ATE1: variants seen among roughly 807,000 people sequenced by gnomAD.
The protein encoded by ATE1 is arginyl-tRNA--protein transferase 1.
ATE1 carries 36 observed loss-of-function variants against 70.5 expected under a neutral mutation model. The observed-to-expected ratio is 0.51, with a 90% CI of 0.39 to 0.67. The LOEUF is 0.67. Among genes scored for constraint, ATE1 ranks in the 30% least tolerant of loss-of-function variants. The pLI is 0.00. For missense variants in ATE1, 593 were observed against 629.5 expected (o/e 0.94, Z 0.62); for synonymous variants, 232 against 219.3 (o/e 1.06, Z -0.51).
At chr10:121,789,153 G>A (rs148000182) in intron 11 of ATE1, among the ~76,000 whole-genome samples, 1 of 152,152 alleles carries the variant, frequency 6.6e-6, no homozygotes, top group Non-Finnish European at 1.5e-5. Flanking sequence ...CCTCATTACA[G>A]CTAGTAGGTC....
intron 11 of ATE1, among the ~76,000 whole-genome samples, chr10:121,777,097 T>C (rs927731586): frequency 2.6e-5 from 4 of 152,254 alleles, no homozygotes; most frequent in South Asian, 4.1e-4. Flanking sequence ...TCTTAACTTA[T>C]GTAGTCTGAA....
At chr10:121,838,994 C>A (rs1948530478) in intron 9 of ATE1, among the ~76,000 whole-genome samples, 1 of 152,042 alleles carries the variant, frequency 6.6e-6, no homozygotes, top group Non-Finnish European at 1.5e-5. Context: ...AAATCAATAA[C>A]AGAATTAGCA....
intron 11 of ATE1, among the ~76,000 whole-genome samples, chr10:121,777,719 T>A (rs996809631): frequency 4.6e-5 from 7 of 152,234 alleles, no homozygotes; most frequent in Admixed American, 4.6e-4. Flanking sequence ...TAATCTGTGA[T>A]TCCACAGGAA....
chr10:121,778,484 T>C (rs768047502), intron 11 of ATE1, among the ~76,000 whole-genome samples: 2 of 150,576 alleles, frequency 1.3e-5, no homozygotes, highest in Admixed American at 6.6e-5. Flanking sequence ...ATTTGGTAAA[T>C]GAAAAGGATC....
At chr10:121,770,883 G>C (rs1016676024) in intron 11 of ATE1, among the ~76,000 whole-genome samples, 1 of 151,962 alleles carries the variant, frequency 6.6e-6, no homozygotes, top group East Asian at 1.9e-4. Flanking sequence ...CTTAAAGCAA[G>C]AACAGCACTT....
chr10:121,926,941 T>C (rs1041531830), intron 1 of ATE1: 95 of 985,324 alleles, frequency 9.6e-5, no homozygotes, highest in Non-Finnish European at 1.1e-4. Flanking sequence ...TAAACACTTT[T>C]AATGAAGGAG....
At chr10:121,919,419 G>T (rs11200259) in intron 3 of ATE1, among the ~76,000 whole-genome samples, 20,042 of 151,902 alleles carry the variant, frequency 0.13, 1,518 homozygotes, top group East Asian at 0.19. Flanking sequence ...AAATTAGCCA[G>T]GTGTGGTGGT....
intron 3 of ATE1, among the ~76,000 whole-genome samples, chr10:121,920,872 T>TA (rs1951854149): frequency 6.6e-6 from 1 of 151,602 alleles, no homozygotes; most frequent in African/African-American, 2.4e-5. Context: ...CAGGCACCTG[T>TA]AATCCCAGCT....
intron 8 of ATE1, among the ~76,000 whole-genome samples, chr10:121,853,617 A>G (rs1423474833): frequency 6.6e-6 from 1 of 152,210 alleles, no homozygotes; most frequent in Non-Finnish European, 1.5e-5. Context: ...GGCATACTTA[A>G]TGTGTAATTA....
chr10:121,922,219 C>CATT, intron 3 of ATE1, 130 bp downstream of exon 3: 1 of 655,752 alleles, frequency 1.5e-6, no homozygotes, highest in South Asian at 1.8e-5. Context: ...AGACATAACT[C>CATT]ATTTACTTTT....
intron 8 of ATE1, chr10:121,846,791 A>T (rs1456905094): frequency 6.6e-6 from 1 of 152,182 alleles, no homozygotes; most frequent in African/African-American, 2.4e-5. Context: ...TCCATGAATG[A>T]TAAGTTATGT....
intron 10 of ATE1, among the ~76,000 whole-genome samples, chr10:121,831,812 C>A (rs1948249175): frequency 6.6e-6 from 1 of 152,118 alleles, no homozygotes; most frequent in Non-Finnish European, 1.5e-5. Context: ...TCTACCAACC[C>A]AAACCAGCCA....
intron 11 of ATE1, among the ~76,000 whole-genome samples, chr10:121,761,631 C>T (rs1453974964): frequency 1.3e-5 from 2 of 152,064 alleles, no homozygotes; most frequent in African/African-American, 4.8e-5. Context: ...TGGTATAACC[C>T]CAATTTTCTG....
chr10:121,911,033 C>G lies in ATE1; in HGVS notation c.456G>C (p.Glu152Asp). Residue 152 changes from glutamate (E) to aspartate (D), a missense_variant, in exon 5 of 12, where the codon GAG (glutamate) becomes GAC (aspartate). Coordinates refer to ENST00000224652, the MANE Select transcript of ATE1 (RefSeq NM_001001976.3). ...TLSDDIKESL[E>D]SEGKNSKKEE... is the part of the protein sequence containing the mutation. ...CTTTCTTTGAATTTTTTCCTTCACT[C>G]TCTAAACTCTCTTTGATGTCATCAC... The G allele has an allele frequency of 1.9e-6, 3 of 1,613,902 alleles. No individual in the cohort carries two copies. The highest frequency in any genetic ancestry group is 1.7e-6 in the Non-Finnish European group (2 of 1,179,996).
intron 7 of ATE1, among the ~76,000 whole-genome samples, chr10:121,870,260 C>T: frequency 6.6e-6 from 1 of 152,130 alleles, no homozygotes; most frequent in East Asian, 1.9e-4. Flanking sequence ...AATAAATATT[C>T]TTAAAAATCT....
chr10:121,825,326 A>T (rs927386691), intron 10 of ATE1, among the ~76,000 whole-genome samples: 2 of 152,204 alleles, frequency 1.3e-5, no homozygotes, highest in Non-Finnish European at 2.9e-5. Flanking sequence ...TGACACACAG[A>T]CAGAAATGTT....
chr10:121,872,181 C>G lies in ATE1; in HGVS notation c.943-2143G>C, dbSNP rs367648636. ...CAGTAGTAATTGATGCATTAATTAG[C>G]ATAGAAGCTACTTTAAATAACAATG... is the stretch of plus-strand genomic sequence containing the variant. On this transcript the variant is annotated intron_variant, in intron 7 of 11. Coordinates refer to ENST00000224652, the MANE Select transcript of ATE1 (RefSeq NM_001001976.3). 7.1e-3 allele frequency among the ~76,000 whole-genome samples: 1,079 copies of G among 152,184 alleles called. 25 individuals carry two copies. The highest frequency in any genetic ancestry group is 0.025 in the African/African-American group (1,021 of 41,510).
Position 121,843,376 on chromosome 10 carries a change from T to C in ATE1, c.976-2113A>G, listed in dbSNP as rs570876350. ...TCTCAGTTTTTCCTAAGTTGATATATACATTTAATGTAATCACAATCAAAA... is the reference window on the plus strand; with the variant it reads ...TCTCAGTTTTTCCTAAGTTGATATACACATTTAATGTAATCACAATCAAAA... On this transcript the variant is annotated intron_variant, in intron 8 of 11. Coordinates refer to ENST00000224652, the MANE Select transcript of ATE1 (RefSeq NM_001001976.3). Among the ~76,000 whole-genome samples the C allele has an allele frequency of 8.3e-4, 126 of 152,362 alleles. 1 individual carries two copies. Among genetic ancestry groups the C allele is most frequent in the Non-Finnish European group, 1.3e-3 (91 of 68,030 alleles).
chr10:121,743,404 G>T lies in ATE1; in HGVS notation c.*276C>A. ...TTCTTCATTTTACAAAATACAAACA[G>T]GAGAATTTGAGCGTATCTTGCTCTA... On this transcript the variant is annotated 3_prime_UTR_variant, in exon 12 of 12. Coordinates refer to ENST00000224652, the MANE Select transcript of ATE1 (RefSeq NM_001001976.3). 2.6e-6 allele frequency: 1 copy of T among 391,140 alleles called. No homozygotes were observed. The highest frequency in any genetic ancestry group is 3.9e-6 in the Non-Finnish European group (1 of 256,800). 24.2% of individuals were successfully genotyped at this position (391,140 alleles called of 1,614,324 possible).
Sources: allele counts gnomAD v4.1 joint callset (sites outside exome capture counted in the v4.1 genomes callset), GRCh38; gene constraint gnomAD v4.1.1; transcripts MANE v1.5; gene names NCBI Gene and HGNC (gene_info 2026-07-23, HGNC 2026-07-21).